Variants in PLXNB2 observed in about 807,000 individuals in gnomAD.
PLXNB2 encodes the protein plexin-B2.
In PLXNB2, 85 loss-of-function variants were observed where a neutral mutation model predicts 202.6. The observed-to-expected ratio is 0.42, with a 90% confidence interval of 0.35 to 0.50. The LOEUF (loss-of-function observed/expected upper bound fraction) is 0.50. Ranked by LOEUF, PLXNB2 falls within the 20% of genes least tolerant of loss-of-function variation. The pLI, the probability that PLXNB2 is intolerant of heterozygous loss-of-function variation, is 0.02. For synonymous variants in PLXNB2, 1,239 were observed against 1,137.6 expected (o/e 1.09, Z -1.79); for missense variants, 2,063 against 2,586.2 (o/e 0.80, Z 4.39).
chr22:50,307,155 C>T (rs570186990), intron 1 of PLXNB2, among the ~76,000 whole-genome samples: 201 of 152,298 alleles, frequency 1.3e-3, no homozygotes, highest in Admixed American at 4.5e-3. Context: ...CCCCCGGGAG[C>T]TCGGGCAAAT....
At position 50,287,945 on chromosome 22, in the gene PLXNB2, G is replaced by A. The variant is rs550273834; in HGVS notation, c.1473C>T (p.Val491=). The A allele has an allele frequency of 3.0e-5, 47 of 1,585,904 alleles. No homozygotes were observed. The East Asian group carries it at 6.3e-4, about 21-fold the overall frequency. ...SQDPYCGWCV[V]EGRCTRKAEC... ...CCACCCCAGGCACTCACCGTCCCTC[G>A]ACGACGCACCAGCCGCAGTAGGGGT... is the stretch of plus-strand genomic sequence containing the variant. The change falls in exon 6 of 37, where the codon GTC becomes GTT. Residue 491 remains valine (V), a synonymous_variant. Coordinates refer to ENST00000359337, the MANE Select transcript of PLXNB2 (RefSeq NM_012401.4).
chr22:50,282,094 C>G lies in PLXNB2; in HGVS notation c.3118-13G>C. 2 of 1,608,324 alleles carry G rather than the reference C, an allele frequency of 1.2e-6. No homozygotes were observed. The highest frequency in any genetic ancestry group is 8.5e-7 in the Non-Finnish European group (1 of 1,178,498). On this transcript the variant is annotated splice_polypyrimidine_tract_variant and intron_variant, in intron 19 of 36. Coordinates refer to ENST00000359337, the MANE Select transcript of PLXNB2 (RefSeq NM_012401.4). ...CTGTACCCACCACCTGCAGGCAAGT[C>G]CCAGCTGTCAGCCCCCGGGCGCAGA... is the stretch of plus-strand genomic sequence containing the variant.
In PLXNB2 at chr22:50,289,930, C is replaced by T. The variant is rs775396375; in HGVS notation, c.655G>A (p.Val219Met). The change falls in exon 3 of 37, where the codon GTG becomes ATG. Residue 219 changes from valine to methionine, a missense_variant. By Grantham distance (21) the Val-to-Met change is conservative. Transcript: ENST00000359337. The surrounding 1 kb of genome is among the most constrained non-coding windows in gnomAD (Gnocchi z 8.0). Reference sequence around the variant, plus strand: ...TAGGGGCCGTCCTCGAAGGCCGCCACGAACTGCTGTGTGTTGGTGGACAGG... The same window carrying T: ...TAGGGGCCGTCCTCGAAGGCCGCCATGAACTGCTGTGTGTTGGTGGACAGG... ...GYLSTNTQQF[V>M]AAFEDGPYVF... The T allele has an allele frequency of 7.6e-5, 123 of 1,613,258 alleles. No homozygotes were observed. Among genetic ancestry groups the T allele is most frequent in the Middle Eastern group, 1.6e-4 (1 of 6,062 alleles).
chr22:50,282,694 G>GCAGGGCACTGAGGAGGCAGCTGGGTGT lies in PLXNB2; in HGVS notation c.2987+16_2987+17insACACCCAGCTGCCTCCTCAGTGCCCTG, dbSNP rs199880917. 17 of 1,576,240 alleles carry GCAGGGCACTGAGGAGGCAGCTGGGTGT rather than the reference G, an allele frequency of 1.1e-5. No individual in the cohort carries two copies. Among genetic ancestry groups the GCAGGGCACTGAGGAGGCAGCTGGGTGT allele is most frequent in the African/African-American group, 4.0e-5 (3 of 74,188 alleles). ...GGGTGTGGGGAGCAGAGGGGGGCGG[G>GCAGGGCACTGAGGAGGCAGCTGGGTGT]GGGACACCAGCCTCACCTGGCAAAG... On this transcript the variant is annotated intron_variant, in intron 18 of 36. Coordinates refer to ENST00000359337, the MANE Select transcript of PLXNB2 (RefSeq NM_012401.4).
At chr22:50,286,403 G>A in intron 8 of PLXNB2, 116 bp from the exon 9 acceptor site, 1 of 692,358 alleles carries the variant, frequency 1.4e-6, no homozygotes, top group South Asian at 1.7e-5. Context: ...TCTTCAGGGG[G>A]CCCTGCCAGG....
At position 50,275,713 on chromosome 22, in the gene PLXNB2, A is replaced by G; in HGVS notation, c.5508T>C (p.Thr1836=). ...CACTGGAGATTGTAGGTCAGAGGTC[A>G]GTGACCTTGTTCTCCAGTGCAGCGG... ...QIAAALENKV[T]DL is the part of the protein sequence containing the mutation. The change falls in exon 37 of 37, where the codon ACT becomes ACC. Residue 1836 remains threonine (T), a synonymous_variant. Coordinates refer to ENST00000359337, the MANE Select transcript of PLXNB2 (RefSeq NM_012401.4). 2 of 1,601,662 alleles carry G rather than the reference A, an allele frequency of 1.2e-6. No homozygotes were observed. Among genetic ancestry groups the G allele is most frequent in the Non-Finnish European group, 8.5e-7 (1 of 1,172,156 alleles).
chr22:50,282,473 AC>A (rs2147394473), intron 18 of PLXNB2, 160 bp from the exon 19 acceptor site: 1 of 794,004 alleles, frequency 1.3e-6, no homozygotes, highest in Non-Finnish European at 1.9e-6. Context: ...CGTGCTGAGC[AC>A]GAGACTGTGC....
At position 50,284,709 on chromosome 22, in the gene PLXNB2, C is replaced by T. The variant is rs773948223; in HGVS notation, c.2089-44G>A. The T allele has an allele frequency of 1.1e-5, 16 of 1,449,378 alleles. 1 individual carries two copies. Among genetic ancestry groups the T allele is most frequent in the Non-Finnish European group, 1.6e-5 (16 of 1,031,798 alleles). 89.8% of individuals were successfully genotyped at this position (1,449,378 alleles called of 1,614,324 possible). ...GGACCCTGGACAGGCGGCTGTGGCA[C>T]CCTGGCCCTCCTCCCAGAACCCCTG... is the stretch of plus-strand genomic sequence containing the variant. On this transcript the variant is annotated intron_variant, in intron 11 of 36. Coordinates refer to ENST00000359337, the MANE Select transcript of PLXNB2 (RefSeq NM_012401.4). The surrounding 1 kb of genome is among the most constrained non-coding windows in gnomAD (Gnocchi z 8.0).
At chr22:50,290,697 G>C in intron 2 of PLXNB2, 100 bp from the exon 3 acceptor site, 3 of 1,278,086 alleles carry the variant, frequency 2.3e-6, no homozygotes, top group Non-Finnish European at 3.1e-6. Flanking sequence ...TGGGAGAGAG[G>C]GTCACGCCAC....
chr22:50,301,358 T>C, intron 1 of PLXNB2: 3 of 982,844 alleles, frequency 3.1e-6, no homozygotes, highest in Non-Finnish European at 3.6e-6. Flanking sequence ...GATGTCTCCG[T>C]GCTTCCTGAG....
At chr22:50,292,645 G>A (rs1027852598) in intron 2 of PLXNB2, among the ~76,000 whole-genome samples, 6 of 152,026 alleles carry the variant, frequency 3.9e-5, no homozygotes, top group Non-Finnish European at 5.9e-5. Context: ...AGCCCGCTCT[G>A]CTGCTCCGTA....
Position 50,284,639 on chromosome 22 carries a change from G to A in PLXNB2, c.2115C>T (p.Asp705=). Residue 705 remains aspartate (D), a synonymous_variant, in exon 12 of 37, where the codon GAC becomes GAT. Coordinates refer to ENST00000359337, the MANE Select transcript of PLXNB2 (RefSeq NM_012401.4). This position sits in a 1 kb window ranked among gnomAD's most constrained non-coding sequence, Gnocchi z 8.0. ...VKGSSLHVGS[D]LLKFMEPVTM... The stretch of plus-strand genomic sequence containing the variant: ...TCACCGGCTCCATGAACTTGAGCAA[G>A]TCACTGCCCACGTGCAGGGAGGAAC... 6.2e-7 allele frequency: 1 copy of A among 1,612,624 alleles called. No homozygotes were observed. The highest frequency in any genetic ancestry group is 8.5e-7 in the Non-Finnish European group (1 of 1,179,662).
chr22:50,289,949 G>A lies in PLXNB2; in HGVS notation c.636C>T (p.Ser212=), dbSNP rs1459728505. ...CCGCCACGAACTGCTGTGTGTTGGT[G>A]GACAGGTAGCCGGCCTTGTAGGTGG... is the stretch of plus-strand genomic sequence containing the variant. ...DHATYKAGYL[S]TNTQQFVAAF... is the part of the protein sequence containing the mutation. The change falls in exon 3 of 37, where the codon TCC becomes TCT. Residue 212 remains serine, a synonymous_variant. Coordinates refer to ENST00000359337, the MANE Select transcript of PLXNB2 (RefSeq NM_012401.4). The surrounding 1 kb of genome is among the most constrained non-coding windows in gnomAD (Gnocchi z 8.0). 4 of 1,613,344 alleles carry A rather than the reference G, an allele frequency of 2.5e-6. No individual in the cohort carries two copies. The highest frequency in any genetic ancestry group is 2.5e-6 in the Non-Finnish European group (3 of 1,180,038).
chr22:50,282,698 A>G lies in PLXNB2; in HGVS notation c.2987+13T>C. ...GTGGGGAGCAGAGGGGGGCGGGGGG[A>G]CACCAGCCTCACCTGGCAAAGCTTC... On this transcript the variant is annotated intron_variant, in intron 18 of 36. Transcript: ENST00000359337. 1 of 1,504,640 alleles carries G rather than the reference A, an allele frequency of 6.6e-7. No homozygotes were observed. The highest frequency in any genetic ancestry group is 8.9e-7 in the Non-Finnish European group (1 of 1,120,030). 93.2% of individuals were successfully genotyped at this position (1,504,640 alleles called of 1,614,324 possible).
In PLXNB2 at chr22:50,284,334, G is replaced by C. The variant is rs975446374; in HGVS notation, c.2182-121C>G. 7.2e-6 allele frequency: 7 copies of C among 970,774 alleles called. No individual in the cohort carries two copies. The highest frequency in any genetic ancestry group is 3.6e-5 in the Admixed American group (2 of 55,448). The allele number at this position is 970,774 out of a possible 1,614,324, so 60.1% of individuals were successfully genotyped here. On this transcript the variant is annotated intron_variant, in intron 12 of 36. Transcript: ENST00000359337. The surrounding 1 kb of genome is among the most constrained non-coding windows in gnomAD (Gnocchi z 8.0). ...CTTCCCAGCCAAGGGCAGCAGGGGAGGCCTTCAGGTGTCGGAAGTTCGGGA... is the reference window on the plus strand; with the variant it reads ...CTTCCCAGCCAAGGGCAGCAGGGGACGCCTTCAGGTGTCGGAAGTTCGGGA...
At chr22:50,306,681 CCACCCTCACCCTCACCCT>C (rs373798870) in intron 1 of PLXNB2, among the ~76,000 whole-genome samples, 3,729 of 145,518 alleles carry the variant, frequency 0.026, 121 homozygotes, top group African/African-American at 0.073. Context: ...GGTTTGGGGC[CCACCCTCACCCTCACCCT>C]CACCCTCACC....
intron 17 of PLXNB2, 41 bp from the exon 18 acceptor site, chr22:50,282,922 C>CG: frequency 6.4e-7 from 1 of 1,571,196 alleles, no homozygotes; most frequent in Non-Finnish European, 8.7e-7. Context: ...ACCCCTCCCC[C>CG]GGGACCAGCC....
At chr22:50,307,491 G>A in intron 1 of PLXNB2, 62 bp downstream of exon 1, 2 of 903,224 alleles carry the variant, frequency 2.2e-6, no homozygotes, top group Non-Finnish European at 2.6e-6. Flanking sequence ...CGGCGCTGAC[G>A]GCGAAGCCCC....
Position 50,284,928 on chromosome 22 carries a change from C to A in PLXNB2, c.2089-263G>T, listed in dbSNP as rs942267413. 2 of 601,352 alleles carry A rather than the reference C, an allele frequency of 3.3e-6. No homozygotes were observed. Among genetic ancestry groups the A allele is most frequent in the South Asian group, 1.5e-5 (1 of 65,180 alleles). 37.3% of individuals were successfully genotyped at this position (601,352 alleles called of 1,614,324 possible). On this transcript the variant is annotated intron_variant, in intron 11 of 36. Transcript: ENST00000359337. The surrounding 1 kb of genome is among the most constrained non-coding windows in gnomAD (Gnocchi z 8.0). ...CTCATCCACACCTGAGAACATCGCC[C>A]GGCCCACCTGACATCGTGGCCCCCA...
Sources: gnomAD v4.1 joint callset for allele counts (sites outside exome capture counted in the v4.1 genomes callset) on GRCh38, gnomAD v4.1.1 for gene constraint, Gnocchi (gnomAD v3.1) non-coding constraint, MANE v1.5 for transcripts, NCBI Gene and HGNC (gene_info 2026-07-23, HGNC 2026-07-21) for gene names.